RNLS: variants seen among roughly 807,000 people sequenced by gnomAD.
RNLS encodes the protein renalase, FAD dependent amine oxidase.
In RNLS, 39 loss-of-function variants were observed where a neutral mutation model predicts 39.8. That is an observed-to-expected ratio of 0.98 (90% CI 0.76 to 1.28). RNLS has a LOEUF of 1.28. Ranked by LOEUF, RNLS falls within the 50% of genes most tolerant of loss-of-function variation. RNLS has a pLI of 0.00. For missense variants in RNLS, 410 were observed against 413.3 expected, an observed-to-expected ratio of 0.99 and a Z score of 0.07; for synonymous variants, 147 against 150.7, an observed-to-expected ratio of 0.98 and a Z score of 0.18.
intron 6 of RNLS, among the ~76,000 whole-genome samples, chr10:88,305,108 A>AAAG (rs966835406): frequency 1.2e-4 from 18 of 152,156 alleles, no homozygotes; most frequent in Non-Finnish European, 2.4e-4. Context: ...TCATAAGCTT[A>AAAG]AAGAAGAAGA....
chr10:88,436,239 C>G (rs950509325), intron 4 of RNLS, among the ~76,000 whole-genome samples: 1 of 152,102 alleles, frequency 6.6e-6, no homozygotes, highest in African/African-American at 2.4e-5. Flanking sequence ...CTTACCTTTA[C>G]TAAGTAAAAG....
At chr10:88,226,943 C>T in the RNLS span, among the ~76,000 whole-genome samples, 2 of 151,994 alleles carry the variant, frequency 1.3e-5, no homozygotes, top group Non-Finnish European at 2.9e-5. Context: ...AGCTTTCTTG[C>T]GAATCCATAC....
intron 4 of RNLS, among the ~76,000 whole-genome samples, chr10:88,492,621 G>A (rs1309259028): frequency 1.3e-5 from 2 of 151,968 alleles, no homozygotes; most frequent in Non-Finnish European, 2.9e-5. Context: ...GATTCTCTCT[G>A]TTGGCCAGGC....
At chr10:88,264,976 G>A in the RNLS span, among the ~76,000 whole-genome samples, 1 of 152,150 alleles carries the variant, frequency 6.6e-6, no homozygotes. Context: ...CAGGTCTTCT[G>A]TTTAAGTCTT....
chr10:88,196,019 G>A, the RNLS span, among the ~76,000 whole-genome samples: 1 of 152,136 alleles, frequency 6.6e-6, no homozygotes, highest in African/African-American at 2.4e-5. Flanking sequence ...TGGCGTCTGT[G>A]TTTACAGATT....
At chr10:88,367,393 A>C (rs1220037688) in intron 4 of RNLS, among the ~76,000 whole-genome samples, 3 of 152,156 alleles carry the variant, frequency 2.0e-5, no homozygotes, top group Non-Finnish European at 4.4e-5. Context: ...TGTTAGATGT[A>C]GTTGTAGTTA....
intron 3 of RNLS, among the ~76,000 whole-genome samples, chr10:88,573,776 C>A (rs1397587526): frequency 1.3e-5 from 2 of 151,788 alleles, no homozygotes; most frequent in Non-Finnish European, 2.9e-5. Flanking sequence ...CAAATTATAC[C>A]TGTTTTATTT....
Position 88,581,589 on chromosome 10 carries a change from A to C in RNLS, c.345T>G (p.Ile115Met), listed in dbSNP as rs1291000100. 3.1e-6 allele frequency: 5 copies of C among 1,601,066 alleles called. No individual in the cohort carries two copies. Among genetic ancestry groups the C allele is most frequent in the Non-Finnish European group, 3.4e-6 (4 of 1,175,132 alleles). The part of the protein sequence containing the change: ...FVAPQGISSI[I>M]KHYLKESGAE... ...CACCTGATTCTTTCAAGTAATGCTT[A>C]ATAATTGAAGAAATTCCTTGAGGTG... The change falls in exon 3 of 7, where the codon ATT becomes ATG. Residue 115 changes from isoleucine (I) to methionine (M), a missense_variant. Ile to Met is a conservative substitution (Grantham distance 10). Transcript: ENST00000331772.
chr10:88,226,788 A>AAGGGGAATATTTTGC, the RNLS span, among the ~76,000 whole-genome samples: 2 of 139,252 alleles, frequency 1.4e-5, no homozygotes, highest in Admixed American at 7.6e-5. Flanking sequence ...AGGAATCTAA[A>AAGGGGAATATTTTGC]AACTTAAGAT....
chr10:88,321,830 A>C (rs1037831274), intron 5 of RNLS, among the ~76,000 whole-genome samples: 1 of 152,312 alleles, frequency 6.6e-6, no homozygotes, highest in African/African-American at 2.4e-5. Flanking sequence ...AAAAAGAAAA[A>C]CAAAAATTCA....
chr10:88,278,633 C>T (rs1040811368), intron 6 of RNLS, among the ~76,000 whole-genome samples: 1 of 152,320 alleles, frequency 6.6e-6, no homozygotes, highest in South Asian at 2.1e-4. Context: ...ATACCAACTA[C>T]ATAGAGATGG....
chr10:88,197,855 GA>G, the RNLS span, among the ~76,000 whole-genome samples: 2 of 152,182 alleles, frequency 1.3e-5, no homozygotes, highest in African/African-American at 2.4e-5. Flanking sequence ...ACAAGCCAAG[GA>G]GAGGGTCTTC....
chr10:88,506,648 T>C (rs1408770711), intron 4 of RNLS, among the ~76,000 whole-genome samples: 6 of 151,998 alleles, frequency 3.9e-5, no homozygotes, highest in African/African-American at 1.4e-4. Context: ...ATTGATACAT[T>C]AAGGCAAAAG....
the RNLS span, among the ~76,000 whole-genome samples, chr10:88,216,071 A>C: frequency 1.3e-5 from 2 of 152,144 alleles, no homozygotes; most frequent in Non-Finnish European, 2.9e-5. Flanking sequence ...TATTGATTAA[A>C]ATGAGTTGGA....
chr10:88,553,161 T>C (rs974127646), intron 4 of RNLS, among the ~76,000 whole-genome samples: 2 of 152,252 alleles, frequency 1.3e-5, no homozygotes, highest in African/African-American at 4.8e-5. Flanking sequence ...ATGGAGTTCA[T>C]TTTGACAATT....
intron 4 of RNLS, among the ~76,000 whole-genome samples, chr10:88,473,888 T>C (rs1288304555): frequency 6.6e-6 from 1 of 152,118 alleles, no homozygotes; most frequent in South Asian, 2.1e-4. Context: ...CTTCTTTTCC[T>C]TTCATAAATG....
At chr10:88,555,226 T>C (rs1251931730) in intron 4 of RNLS, among the ~76,000 whole-genome samples, 1 of 151,906 alleles carries the variant, frequency 6.6e-6, no homozygotes, top group Non-Finnish European at 1.5e-5. Flanking sequence ...CCTTCCCATT[T>C]GTTTCTTGAG....
the RNLS span, among the ~76,000 whole-genome samples, chr10:88,180,691 A>G: frequency 6.6e-6 from 1 of 152,188 alleles, no homozygotes; most frequent in Non-Finnish European, 1.5e-5. Context: ...TAACCAATGA[A>G]TATTTTGGGG....
intron 4 of RNLS, among the ~76,000 whole-genome samples, chr10:88,513,150 AT>A (rs747253565): frequency 6.6e-6 from 1 of 152,040 alleles, no homozygotes; most frequent in Non-Finnish European, 1.5e-5. Flanking sequence ...CAGAGGCTAT[AT>A]TTTTTCCCAA....
Sources: allele counts gnomAD v4.1 joint callset (sites outside exome capture counted in the v4.1 genomes callset), GRCh38; gene constraint gnomAD v4.1.1; transcripts MANE v1.5; gene names NCBI Gene and HGNC (gene_info 2026-07-23, HGNC 2026-07-21).